CDKAL1: variants seen among roughly 807,000 people sequenced by gnomAD.
CDKAL1 encodes CDKAL1 threonylcarbamoyladenosine tRNA methylthiotransferase.
A neutral mutation model predicts 68.2 loss-of-function variants in CDKAL1; 32 were observed. That is an observed-to-expected ratio of 0.47 (90% CI 0.35 to 0.63). The LOEUF (loss-of-function observed/expected upper bound fraction) is 0.63. Ranked by LOEUF, CDKAL1 falls within the 30% of genes least tolerant of loss-of-function variation. The pLI is 0.00. For synonymous variants in CDKAL1, 234 were observed against 244.3 expected (o/e 0.96, Z 0.39); for missense variants, 606 against 696.7 (o/e 0.87, Z 1.47).
intron 4 of CDKAL1, among the ~76,000 whole-genome samples, chr6:20,638,208 A>C (rs188857606): frequency 1.3e-5 from 2 of 152,368 alleles, no homozygotes; most frequent in African/African-American, 4.8e-5. Flanking sequence ...ATAGTGTGCT[A>C]TCAAACTTTT....
chr6:20,799,227 T>C lies in CDKAL1; in HGVS notation c.638+17962T>C, dbSNP rs551098168. Among the ~76,000 whole-genome samples, 9 of 151,942 alleles carry C rather than the reference T, an allele frequency of 5.9e-5. No homozygotes were observed. In the South Asian group the frequency reaches 1.9e-3, roughly 32 times the overall value. ...ACCACCGCACCTGGCTAATTTTGTA[T>C]TTTTAGTAGAGACGGGGTTTCTCCA... is the stretch of plus-strand genomic sequence containing the variant. On this transcript the variant is annotated intron_variant, in intron 8 of 15. Coordinates refer to ENST00000274695, the MANE Select transcript of CDKAL1 (RefSeq NM_017774.3).
In CDKAL1 at chr6:20,543,611, A is replaced by C. The variant is rs1472336416; in HGVS notation, c.-5-2735A>C. On this transcript the variant is annotated intron_variant, in intron 2 of 15. Transcript: ENST00000274695. ...AAATTTTAATGACATTCAATTTATT[A>C]CTTTTTCTTTTTATGGATTGTGCTT... Among the ~76,000 whole-genome samples, 3 of 151,556 alleles carry C rather than the reference A, an allele frequency of 2.0e-5. No homozygotes were observed. The East Asian group carries it at 5.8e-4, about 29-fold the overall frequency.
rs112342404 is a variant in CDKAL1, at chr6:20,948,910, T to C, written c.743-6509T>C. ...ATGGTATTTAGTTTGTTTTGAACTT[T>C]CCATTATTTCCAAATTCCTGCAGAA... On this transcript the variant is annotated intron_variant, in intron 9 of 15. Transcript: ENST00000274695. 2.6e-3 allele frequency among the ~76,000 whole-genome samples: 401 copies of C among 152,394 alleles called. 5 individuals are homozygous for C. The highest frequency in any genetic ancestry group is 9.3e-3 in the African/African-American group (386 of 41,596).
intron 4 of CDKAL1, among the ~76,000 whole-genome samples, chr6:20,611,331 A>G (rs544294130): frequency 2.0e-5 from 3 of 152,062 alleles, no homozygotes; most frequent in African/African-American, 7.2e-5. Flanking sequence ...CAATCCTGTT[A>G]TATGTGTCAG....
intron 15 of CDKAL1, among the ~76,000 whole-genome samples, chr6:21,228,897 C>A (rs889843646): frequency 2.0e-5 from 3 of 152,198 alleles, no homozygotes; most frequent in Non-Finnish European, 4.4e-5. Flanking sequence ...AAAAGCCACC[C>A]TCATAAGAGA....
At position 20,955,391 on chromosome 6, in the gene CDKAL1, T is replaced by C. The variant is rs199766111; in HGVS notation, c.743-28T>C. The C allele has an allele frequency of 9.3e-6, 15 of 1,611,174 alleles. No homozygotes were observed. The East Asian group carries it at 3.3e-4, about 36-fold the overall frequency. ...ATGAAGGAAACAGCTCTGCCACAGATTTGTTAATTATCTCTTTTGATTCAC... is the reference window on the plus strand; with the variant it reads ...ATGAAGGAAACAGCTCTGCCACAGACTTGTTAATTATCTCTTTTGATTCAC... On this transcript the variant is annotated intron_variant, in intron 9 of 15. Coordinates refer to ENST00000274695, the MANE Select transcript of CDKAL1 (RefSeq NM_017774.3).
intron 8 of CDKAL1, among the ~76,000 whole-genome samples, chr6:20,812,260 T>G (rs2150424366): frequency 6.6e-6 from 1 of 152,338 alleles, no homozygotes. Flanking sequence ...TTATGGTTTG[T>G]TTTTGTTTTA....
chr6:20,607,930 A>T (rs763137749), intron 4 of CDKAL1, among the ~76,000 whole-genome samples: 3 of 152,184 alleles, frequency 2.0e-5, no homozygotes, highest in East Asian at 3.9e-4. Context: ...CCTGACCTCA[A>T]GTGATCCACC....
chr6:20,779,073 A>G (rs1398426026), intron 7 of CDKAL1, among the ~76,000 whole-genome samples: 4 of 152,238 alleles, frequency 2.6e-5, no homozygotes, highest in Non-Finnish European at 5.9e-5. Flanking sequence ...GGAAATGAGT[A>G]TTCAAACCAC....
intron 8 of CDKAL1, among the ~76,000 whole-genome samples, chr6:20,818,989 T>C (rs977679668): frequency 2.6e-5 from 4 of 152,126 alleles, no homozygotes; most frequent in Non-Finnish European, 5.9e-5. Flanking sequence ...AAGTGCTTGG[T>C]TGATTTACAC....
intron 5 of CDKAL1, among the ~76,000 whole-genome samples, chr6:20,673,088 T>C (rs1305891091): frequency 6.6e-6 from 1 of 152,224 alleles, no homozygotes; most frequent in African/African-American, 2.4e-5. Context: ...GAAATTAATT[T>C]TTAATAAATT....
At chr6:21,120,485 A>G (rs1463416400) in intron 13 of CDKAL1, among the ~76,000 whole-genome samples, 2 of 152,212 alleles carry the variant, frequency 1.3e-5, no homozygotes, top group Non-Finnish European at 2.9e-5. Context: ...TTATAAATTA[A>G]GTAATACATG....
chr6:21,118,794 G>C (rs1774552716), intron 13 of CDKAL1, among the ~76,000 whole-genome samples: 1 of 152,110 alleles, frequency 6.6e-6, no homozygotes, highest in South Asian at 2.1e-4. Flanking sequence ...TAAAAATAAA[G>C]GAATTTTAAA....
At chr6:21,180,949 C>T (rs1361099640) in intron 13 of CDKAL1, among the ~76,000 whole-genome samples, 2 of 152,040 alleles carry the variant, frequency 1.3e-5, no homozygotes, top group Non-Finnish European at 2.9e-5. Context: ...ATTTATTTCT[C>T]ACAGTTCTAG....
At chr6:20,709,451 A>C (rs1424567454) in intron 5 of CDKAL1, among the ~76,000 whole-genome samples, 1 of 150,076 alleles carries the variant, frequency 6.7e-6, no homozygotes, top group Non-Finnish European at 1.5e-5. Flanking sequence ...TTAGGGATGC[A>C]AAAAAAAAAT....
chr6:21,231,307 G>A lies in CDKAL1; in HGVS notation c.*268G>A, dbSNP rs556598334. 6.4e-4 allele frequency: 180 copies of A among 280,710 alleles called. 1 individual carries two copies. The highest frequency in any genetic ancestry group is 1.8e-3 in the Middle Eastern group (2 of 1,118). 17.4% of individuals were successfully genotyped at this position (280,710 alleles called of 1,614,324 possible). ...TTTACTTTTAGCAAGAAATGCAAGCGGTTGCATTTTTTTCTGTTTGTTTCA... is the reference window on the plus strand; with the variant it reads ...TTTACTTTTAGCAAGAAATGCAAGCAGTTGCATTTTTTTCTGTTTGTTTCA... On this transcript the variant is annotated 3_prime_UTR_variant, in exon 16 of 16. Transcript: ENST00000274695.
chr6:21,176,691 T>G lies in CDKAL1; in HGVS notation c.1300-21330T>G, dbSNP rs565810489. Among the ~76,000 whole-genome samples the G allele has an allele frequency of 2.9e-3, 391 of 136,036 alleles. 5 individuals are homozygous for G. Among genetic ancestry groups the G allele is most frequent in the Non-Finnish European group, 4.1e-3 (257 of 62,616 alleles). 89.2% of individuals were successfully genotyped at this position (136,036 alleles called of 152,430 possible). A position where few individuals can be genotyped will look rare whatever the true frequency, so the allele number is the denominator to read the frequency against. ...CATGGGCTGGATGTTGGTTTTTTTTTTTTTGTTTTTTTTTTTTTTTTGAGA... is the reference window on the plus strand; with the variant it reads ...CATGGGCTGGATGTTGGTTTTTTTTGTTTTGTTTTTTTTTTTTTTTTGAGA... On this transcript the variant is annotated intron_variant, in intron 13 of 15. Transcript: ENST00000274695.
intron 8 of CDKAL1, among the ~76,000 whole-genome samples, chr6:20,826,442 G>A (rs760548094): frequency 3.9e-5 from 6 of 152,134 alleles, no homozygotes; most frequent in Non-Finnish European, 7.4e-5. Flanking sequence ...ATGGAATTGT[G>A]TACTTCAGAG....
intron 13 of CDKAL1, among the ~76,000 whole-genome samples, chr6:21,181,103 G>A (rs1777771191): frequency 1.3e-5 from 2 of 152,160 alleles, no homozygotes; most frequent in Admixed American, 1.3e-4. Context: ...AGGAGTAAGA[G>A]AGAGCTGAGA....
Sources: gnomAD v4.1 joint callset for allele counts (sites outside exome capture counted in the v4.1 genomes callset) on GRCh38, gnomAD v4.1.1 for gene constraint, MANE v1.5 for transcripts, NCBI Gene and HGNC (gene_info 2026-07-23, HGNC 2026-07-21) for gene names.